Variants in CAMK1D observed in about 807,000 individuals in gnomAD.
CAMK1D encodes the protein calcium/calmodulin-dependent protein kinase type 1D.
Under a neutral mutation model 47.7 loss-of-function variants are expected in CAMK1D, and 9 were observed. The ratio of observed to expected loss-of-function variants is 0.19; its 90% CI spans 0.11 to 0.33. The LOEUF (loss-of-function observed/expected upper bound fraction) is 0.33, where lower values mean the gene tolerates loss of function less well. Ranked by LOEUF, CAMK1D falls within the 10% of genes least tolerant of loss-of-function variation. The pLI, the probability that CAMK1D is intolerant of heterozygous loss-of-function variation, is 1.00. For synonymous variants in CAMK1D, 184 were observed against 184.9 expected (o/e 0.99, Z 0.04); for missense variants, 291 against 488.7 (o/e 0.60, Z 3.81).
At chr10:12,374,669 G>A (rs968904383) in intron 1 of CAMK1D, among the ~76,000 whole-genome samples, 6 of 152,132 alleles carry the variant, frequency 3.9e-5, no homozygotes, top group Admixed American at 1.3e-4. Context: ...TGGACCGGGC[G>A]CATTGGCTCA....
chr10:12,417,273 TGA>T (rs139115283), intron 1 of CAMK1D, among the ~76,000 whole-genome samples: 7 of 149,994 alleles, frequency 4.7e-5, no homozygotes, highest in East Asian at 1.9e-4. Context: ...AAAAAGAGAC[TGA>T]GAGAGAGAGA....
At chr10:12,656,873 A>G (rs1840132050) in intron 2 of CAMK1D, among the ~76,000 whole-genome samples, 1 of 152,232 alleles carries the variant, frequency 6.6e-6, no homozygotes, top group Admixed American at 6.5e-5. Context: ...ATAAACACAT[A>G]TATATACACG....
chr10:12,395,618 A>G (rs1452681172), intron 1 of CAMK1D, among the ~76,000 whole-genome samples: 1 of 152,010 alleles, frequency 6.6e-6, no homozygotes, highest in Non-Finnish European at 1.5e-5. Context: ...CTTACTGTAG[A>G]AGGGTTGGTT....
intron 3 of CAMK1D, among the ~76,000 whole-genome samples, chr10:12,687,923 C>T (rs1314314482): frequency 6.6e-6 from 1 of 152,194 alleles, no homozygotes; most frequent in Non-Finnish European, 1.5e-5. Context: ...AGCCCAAGAA[C>T]AGCATGTTTC....
chr10:12,698,964 C>A (rs993354674), intron 3 of CAMK1D, among the ~76,000 whole-genome samples: 1 of 151,984 alleles, frequency 6.6e-6, no homozygotes, highest in Non-Finnish European at 1.5e-5. Flanking sequence ...AGCCACTGCA[C>A]CCGGCCTAGA....
At chr10:12,643,063 G>A (rs570648310) in intron 2 of CAMK1D, among the ~76,000 whole-genome samples, 7 of 152,140 alleles carry the variant, frequency 4.6e-5, no homozygotes, top group African/African-American at 1.2e-4. Flanking sequence ...GTGCAGTGGC[G>A]TGATCTCAGC....
chr10:12,426,854 A>T (rs960826696), intron 1 of CAMK1D, among the ~76,000 whole-genome samples: 6 of 151,958 alleles, frequency 3.9e-5, no homozygotes, highest in Admixed American at 3.9e-4. Flanking sequence ...AGCTGGGACC[A>T]CAGGTGCATG....
At position 12,522,902 on chromosome 10, in the gene CAMK1D, G is replaced by A. The variant is rs1382177221; in HGVS notation, c.93-30323G>A. ...CCCCACCTCCCTCCCGGACGGGGCGGCTGGCCGGGCGGGGGCTGACCCCCC... is the reference window on the plus strand; with the variant it reads ...CCCCACCTCCCTCCCGGACGGGGCGACTGGCCGGGCGGGGGCTGACCCCCC... On this transcript the variant is annotated intron_variant, in intron 1 of 10. Transcript: ENST00000619168. 7.5e-5 allele frequency among the ~76,000 whole-genome samples: 7 copies of A among 93,092 alleles called. 2 individuals are homozygous for A. 61.1% of individuals were successfully genotyped at this position (93,092 alleles called of 152,430 possible).
At chr10:12,539,127 T>A (rs183260297) in intron 1 of CAMK1D, among the ~76,000 whole-genome samples, 7 of 152,324 alleles carry the variant, frequency 4.6e-5, no homozygotes, top group Admixed American at 2.0e-4. Flanking sequence ...ATATTTAGGA[T>A]TTTTCCAGTG....
At chr10:12,804,048 T>TAAAA (rs1293431627) in intron 6 of CAMK1D, among the ~76,000 whole-genome samples, 2 of 152,162 alleles carry the variant, frequency 1.3e-5, no homozygotes, top group Non-Finnish European at 2.9e-5. Flanking sequence ...GCCCAGGGCA[T>TAAAA]ATTTGTTGAA....
At chr10:12,799,006 T>C (rs573900475) in intron 6 of CAMK1D, among the ~76,000 whole-genome samples, 2 of 152,082 alleles carry the variant, frequency 1.3e-5, no homozygotes, top group African/African-American at 4.8e-5. Flanking sequence ...GGTGGCACAA[T>C]AGCAAGCGGG....
chr10:12,681,160 G>A (rs1004592791), intron 3 of CAMK1D, among the ~76,000 whole-genome samples: 4 of 152,128 alleles, frequency 2.6e-5, no homozygotes, highest in South Asian at 2.1e-4. Context: ...ACAGCCCCAC[G>A]GCCACGCTCT....
At chr10:12,649,056 C>A (rs7921813) in intron 2 of CAMK1D, among the ~76,000 whole-genome samples, 1 of 151,634 alleles carries the variant, frequency 6.6e-6, no homozygotes, top group Non-Finnish European at 1.5e-5. Context: ...TTTTTACAGA[C>A]CGGGTTTTAC....
chr10:12,517,871 G>C (rs951201794), intron 1 of CAMK1D, among the ~76,000 whole-genome samples: 2 of 152,106 alleles, frequency 1.3e-5, no homozygotes, highest in African/African-American at 2.4e-5. Context: ...GTCTTTGTCT[G>C]ATTTTGATAT....
chr10:12,565,533 C>T (rs117574025), intron 2 of CAMK1D, among the ~76,000 whole-genome samples: 1,526 of 152,300 alleles, frequency 0.01, 11 homozygotes, highest in Middle Eastern at 0.02. Flanking sequence ...GAATTACAGG[C>T]GTGAGCTGCC....
chr10:12,610,102 A>G (rs996391715), intron 2 of CAMK1D, among the ~76,000 whole-genome samples: 5 of 152,102 alleles, frequency 3.3e-5, no homozygotes, highest in African/African-American at 1.2e-4. Flanking sequence ...ACCCATTTCC[A>G]TGGTGTAAAG....
rs374769482 is a variant in CAMK1D, at chr10:12,454,975, C to T, written c.93-98250C>T. 2.6e-5 allele frequency among the ~76,000 whole-genome samples: 4 copies of T among 152,130 alleles called. No homozygotes were observed. The East Asian group carries it at 5.8e-4, about 22-fold the overall frequency. ...TTAGGAAATGTGTGAGCAGGCCGGC[C>T]GGCTGGCCGAGTACAGTCTGGGTGG... On this transcript the variant is annotated intron_variant, in intron 1 of 10. Transcript: ENST00000619168.
At chr10:12,828,263 G>A (rs150418994) in intron 10 of CAMK1D, among the ~76,000 whole-genome samples, 1 of 152,180 alleles carries the variant, frequency 6.6e-6, no homozygotes, top group Non-Finnish European at 1.5e-5. Flanking sequence ...AAAAAGGAGA[G>A]GAGAGGTCTA....
At chr10:12,563,437 G>T (rs577203729) in intron 2 of CAMK1D, among the ~76,000 whole-genome samples, 1 of 152,138 alleles carries the variant, frequency 6.6e-6, no homozygotes, top group East Asian at 1.9e-4. Flanking sequence ...GAACATACCC[G>T]CTTACACGGG....
Sources: gnomAD v4.1 joint callset for allele counts (sites outside exome capture counted in the v4.1 genomes callset) on GRCh38, gnomAD v4.1.1 for gene constraint, MANE v1.5 for transcripts, NCBI Gene and HGNC (gene_info 2026-07-23, HGNC 2026-07-21) for gene names.